DAB2: variants seen among roughly 807,000 people sequenced by gnomAD.
DAB2 encodes the protein disabled homolog 2.
A neutral mutation model predicts 71.6 loss-of-function variants in DAB2; 28 were observed. The ratio of observed to expected loss-of-function variants is 0.39; its 90% CI spans 0.29 to 0.54. The LOEUF (loss-of-function observed/expected upper bound fraction) is 0.54. DAB2 is among the 20% of genes least tolerant of loss of function. The probability of loss-of-function intolerance (pLI) is 0.68; values close to 1 mark genes in which losing one functional copy is unlikely to be tolerated. For missense variants in DAB2, 867 were observed against 928.8 expected, an observed-to-expected ratio of 0.93 and a Z score of 0.86; for synonymous variants, 345 against 339.7, an observed-to-expected ratio of 1.02 and a Z score of -0.17.
intron 1 of DAB2, among the ~76,000 whole-genome samples, chr5:39,423,148 G>A (rs915344080): frequency 1.3e-5 from 2 of 152,172 alleles, no homozygotes; most frequent in Non-Finnish European, 2.9e-5. Flanking sequence ...TGGATGAGAA[G>A]GGATCCTTCC....
chr5:39,410,975 G>C (rs1479801609), intron 1 of DAB2, among the ~76,000 whole-genome samples: 2 of 152,092 alleles, frequency 1.3e-5, no homozygotes, highest in Non-Finnish European at 2.9e-5. Flanking sequence ...CAAAAGGTTG[G>C]TTAAAAAATC....
At chr5:39,386,804 C>G (rs1755107918) in intron 9 of DAB2, among the ~76,000 whole-genome samples, 1 of 152,098 alleles carries the variant, frequency 6.6e-6, no homozygotes, top group African/African-American at 2.4e-5. Flanking sequence ...GTCATTTATA[C>G]TTGGGAAGTA....
At chr5:39,378,071 G>C (rs910957163) in intron 11 of DAB2, among the ~76,000 whole-genome samples, 1 of 152,232 alleles carries the variant, frequency 6.6e-6, no homozygotes, top group African/African-American at 2.4e-5. Context: ...AAAGAGGAGA[G>C]AGGACAATGG....
At chr5:39,413,515 C>T (rs1393965194) in intron 1 of DAB2, among the ~76,000 whole-genome samples, 1 of 151,738 alleles carries the variant, frequency 6.6e-6, no homozygotes, top group African/African-American at 2.4e-5. Flanking sequence ...TCCTTTAAAA[C>T]AAAAAAAGAG....
intron 1 of DAB2, among the ~76,000 whole-genome samples, chr5:39,416,258 A>AAAAC (rs1755845299): frequency 3.9e-5 from 6 of 152,152 alleles, no homozygotes; most frequent in Admixed American, 2.6e-4. Context: ...CTTGAAGTGA[A>AAAAC]AAACAAACAA....
intron 1 of DAB2, chr5:39,418,459 T>C (rs995232485): frequency 2.0e-5 from 3 of 152,198 alleles, no homozygotes; most frequent in Admixed American, 6.5e-5. Flanking sequence ...TGAGATCATT[T>C]GGATGCAATA....
chr5:39,388,370 T>G lies in DAB2; in HGVS notation c.625-3A>C, dbSNP rs566265686. On this transcript the variant is annotated splice_polypyrimidine_tract_variant and splice_region_variant and intron_variant, in intron 8 of 14. Coordinates refer to ENST00000320816, the MANE Select transcript of DAB2 (RefSeq NM_001343.4). ...AACAAATCCATCTGGTCAACACCCT[T>G]AAAAAAGTATTTGGATTAGATTCAG... is the stretch of plus-strand genomic sequence containing the variant. The G allele has an allele frequency of 7.8e-5, 125 of 1,603,562 alleles. 1 individual carries two copies. In the South Asian group the frequency reaches 1.3e-3, roughly 16 times the overall value.
chr5:39,388,786 T>C lies in DAB2; in HGVS notation c.624+13A>G. The C allele has an allele frequency of 6.2e-7, 1 of 1,609,208 alleles. No individual in the cohort carries two copies. Among genetic ancestry groups the C allele is most frequent in the Non-Finnish European group, 8.5e-7 (1 of 1,175,746 alleles). On this transcript the variant is annotated intron_variant, in intron 8 of 14. Transcript: ENST00000320816. ...TAAGTAAGAACTGTCAAACGTCACA[T>C]ATTAATACATACCGATTTCAGTTTG...
intron 3 of DAB2, 40 bp from the exon 4 acceptor site, chr5:39,392,503 A>G: frequency 7.0e-7 from 1 of 1,430,734 alleles, no homozygotes; most frequent in Non-Finnish European, 9.9e-7. Flanking sequence ...GAATTTTTAA[A>G]AACATCCTAC....
chr5:39,404,810 C>T (rs1038247894), intron 1 of DAB2, among the ~76,000 whole-genome samples: 1 of 152,132 alleles, frequency 6.6e-6, no homozygotes, highest in African/African-American at 2.4e-5. Flanking sequence ...AACTCCTGGC[C>T]TTAGGCAATC....
At position 39,422,229 on chromosome 5, in the gene DAB2, T is replaced by C. The variant is rs1188408509; in HGVS notation, c.-102+2575A>G. ...ATCCTGTTACTCAGGTGTTTCATAT[T>C]GCCAATCTGGTTCCCATTCTGGTTC... On this transcript the variant is annotated intron_variant, in intron 1 of 14. Coordinates refer to ENST00000320816, the MANE Select transcript of DAB2 (RefSeq NM_001343.4). The surrounding 1 kb of genome is among the most constrained non-coding windows in gnomAD (Gnocchi z 4.1). Among the ~76,000 whole-genome samples, 1 of 152,210 alleles carries C rather than the reference T, an allele frequency of 6.6e-6. No homozygotes were observed. Among genetic ancestry groups the C allele is most frequent in the African/African-American group, 2.4e-5 (1 of 41,460 alleles).
chr5:39,401,233 C>T (rs77375933), intron 1 of DAB2, among the ~76,000 whole-genome samples: 2,197 of 152,300 alleles, frequency 0.014, 30 homozygotes, highest in Non-Finnish European at 0.021. Context: ...AGAAGATTTT[C>T]TTGTAAATGC....
chr5:39,385,872 A>G (rs529286708), intron 9 of DAB2, among the ~76,000 whole-genome samples: 28 of 152,300 alleles, frequency 1.8e-4, no homozygotes, highest in African/African-American at 5.5e-4. Flanking sequence ...TTTCTAGCCC[A>G]ACTATGATCT....
intron 1 of DAB2, among the ~76,000 whole-genome samples, chr5:39,404,997 A>G (rs1420335262): frequency 6.6e-6 from 1 of 151,744 alleles, no homozygotes; most frequent in Non-Finnish European, 1.5e-5. Flanking sequence ...TTGTTTCAGC[A>G]CAAGGGCTAT....
chr5:39,374,678 C>A, intron 14 of DAB2: 1 of 223,516 alleles, frequency 4.5e-6, no homozygotes, highest in Non-Finnish European at 8.6e-6. Flanking sequence ...GTTTTGCAAC[C>A]ACTTCAATAT....
intron 6 of DAB2, among the ~76,000 whole-genome samples, chr5:39,389,467 TAG>T (rs1444737368): frequency 2.0e-5 from 3 of 152,170 alleles, no homozygotes; most frequent in Non-Finnish European, 4.4e-5. Context: ...AATTTTCAGA[TAG>T]ACCATATTTA....
chr5:39,386,704 T>C (rs944952102), intron 9 of DAB2, among the ~76,000 whole-genome samples: 13 of 152,188 alleles, frequency 8.5e-5, no homozygotes, highest in African/African-American at 2.7e-4. Context: ...CAGAAGTAGA[T>C]TATATAGGCA....
chr5:39,374,289 G>A lies in DAB2; in HGVS notation c.*5+725C>T, dbSNP rs1280821848. The stretch of plus-strand genomic sequence containing the variant: ...CTACCTGCTCTAAAATGGGGAGAGC[G>A]TTCCTTTCCCTACTAAATTCAGTCT... On this transcript the variant is annotated intron_variant, in intron 14 of 14. Coordinates refer to ENST00000320816, the MANE Select transcript of DAB2 (RefSeq NM_001343.4). Among the ~76,000 whole-genome samples the A allele has an allele frequency of 4.2e-5, 6 of 141,814 alleles. No homozygotes were observed. In the East Asian group the frequency reaches 5.8e-4, roughly 14 times the overall value. 93.0% of individuals were successfully genotyped at this position (141,814 alleles called of 152,430 possible). A position where few individuals can be genotyped will look rare whatever the true frequency, so the allele number is the denominator to read the frequency against.
In DAB2 at chr5:39,375,102, T is replaced by A; in HGVS notation, c.2248-18A>T. The A allele has an allele frequency of 6.4e-7, 1 of 1,567,918 alleles. No homozygotes were observed. Among genetic ancestry groups the A allele is most frequent in the Non-Finnish European group, 8.7e-7 (1 of 1,143,160 alleles). ...GAAGCCACCTAAGAAGATAAAATCATCTAGTCAATAAATACAGTTACAGTC... is the reference window on the plus strand; with the variant it reads ...GAAGCCACCTAAGAAGATAAAATCAACTAGTCAATAAATACAGTTACAGTC... On this transcript the variant is annotated intron_variant, in intron 13 of 14. Coordinates refer to ENST00000320816, the MANE Select transcript of DAB2 (RefSeq NM_001343.4).
Sources: gnomAD v4.1 joint callset for allele counts (sites outside exome capture counted in the v4.1 genomes callset) on GRCh38, gnomAD v4.1.1 for gene constraint, Gnocchi (gnomAD v3.1) non-coding constraint, MANE v1.5 for transcripts, NCBI Gene and HGNC (gene_info 2026-07-23, HGNC 2026-07-21) for gene names.